Variants in LRFN5 observed in about 807,000 individuals in gnomAD.
LRFN5 encodes the protein leucine rich repeat and fibronectin type III domain containing 5.
LRFN5 carries 24 observed loss-of-function variants against 45.6 expected under a neutral mutation model. The observed-to-expected ratio is 0.53, with a 90% CI of 0.38 to 0.74. The LOEUF is 0.74. Ranked by LOEUF, LRFN5 falls within the 30% of genes least tolerant of loss-of-function variation. LRFN5 has a pLI of 0.00. For missense variants in LRFN5, 776 were observed against 861.5 expected (o/e 0.90, Z 1.24); for synonymous variants, 340 against 313.8 (o/e 1.08, Z -0.88).
chr14:41,649,166 C>T (rs1879965704), intron 1 of LRFN5, among the ~76,000 whole-genome samples: 1 of 151,880 alleles, frequency 6.6e-6, no homozygotes, highest in African/African-American at 2.4e-5. Flanking sequence ...ACCCGGGAGG[C>T]GGAGGTTGCA....
intron 4 of LRFN5, chr14:41,893,117 T>G (rs1890837405): frequency 2.0e-6 from 2 of 984,852 alleles, no homozygotes; most frequent in Non-Finnish European, 2.4e-6. Flanking sequence ...ATGTTTTCCT[T>G]TTAAAGTAAA....
chr14:41,697,657 T>C (rs925365612), intron 1 of LRFN5, among the ~76,000 whole-genome samples: 2 of 130,256 alleles, frequency 1.5e-5, no homozygotes, highest in East Asian at 4.2e-4. Context: ...TTCACTGCTC[T>C]TTTTTTTTTT....
chr14:41,706,334 G>A (rs543929987), intron 1 of LRFN5, among the ~76,000 whole-genome samples: 4 of 152,122 alleles, frequency 2.6e-5, no homozygotes, highest in South Asian at 2.1e-4. Flanking sequence ...TCCCGACCTC[G>A]GGTGATCCTC....
chr14:41,844,302 T>G (rs564137059), intron 2 of LRFN5, among the ~76,000 whole-genome samples: 17 of 151,774 alleles, frequency 1.1e-4, no homozygotes, highest in Non-Finnish European at 7.4e-5. Context: ...CCAGGCGTGG[T>G]GGTGGGCACC....
intron 2 of LRFN5, among the ~76,000 whole-genome samples, chr14:41,832,870 A>G (rs1047567503): frequency 2.6e-5 from 4 of 152,158 alleles, no homozygotes; most frequent in Admixed American, 6.6e-5. Flanking sequence ...ATTGTCATAC[A>G]TTCTTTTCTT....
intron 2 of LRFN5, among the ~76,000 whole-genome samples, chr14:41,804,465 G>C (rs1887449974): frequency 1.3e-5 from 2 of 152,120 alleles, no homozygotes; most frequent in Admixed American, 6.6e-5. Context: ...AACTGGGGAA[G>C]TTGCAAATCT....
intron 2 of LRFN5, among the ~76,000 whole-genome samples, chr14:41,814,965 C>T (rs2138999438): frequency 6.6e-6 from 1 of 152,030 alleles, no homozygotes; most frequent in South Asian, 2.1e-4. Context: ...GAAAAACATC[C>T]ATCGAAAAAA....
At chr14:41,829,345 A>G (rs985114240) in intron 2 of LRFN5, among the ~76,000 whole-genome samples, 1 of 151,906 alleles carries the variant, frequency 6.6e-6, no homozygotes, top group Non-Finnish European at 1.5e-5. Flanking sequence ...CACAGAGATC[A>G]TGAGTACTCA....
At chr14:41,637,993 G>T (rs566825830) in intron 1 of LRFN5, among the ~76,000 whole-genome samples, 1 of 151,964 alleles carries the variant, frequency 6.6e-6, no homozygotes, top group East Asian at 1.9e-4. Flanking sequence ...TTATTTCCAG[G>T]CCCATTTTGC....
chr14:41,753,847 T>A (rs1396768263), intron 1 of LRFN5, among the ~76,000 whole-genome samples: 12 of 152,170 alleles, frequency 7.9e-5, no homozygotes, highest in African/African-American at 2.9e-4. Flanking sequence ...CTTGTGCCAG[T>A]TTTCAAAGGG....
chr14:41,728,776 G>A (rs1007619601), intron 1 of LRFN5, among the ~76,000 whole-genome samples: 1 of 152,100 alleles, frequency 6.6e-6, no homozygotes, highest in African/African-American at 2.4e-5. Flanking sequence ...TAACTCAGTT[G>A]AGTGTCTGAG....
chr14:41,648,284 A>G (rs1174600285), intron 1 of LRFN5, among the ~76,000 whole-genome samples: 2 of 152,128 alleles, frequency 1.3e-5, no homozygotes, highest in African/African-American at 4.8e-5. Context: ...GAAGAGGTGT[A>G]TTTAATATTA....
intron 1 of LRFN5, among the ~76,000 whole-genome samples, chr14:41,716,407 CT>C (rs1883497755): frequency 6.6e-6 from 1 of 152,066 alleles, no homozygotes; most frequent in Non-Finnish European, 1.5e-5. Flanking sequence ...AACTGACTGC[CT>C]TTAACAGCAC....
At chr14:41,839,309 A>G (rs897976239) in intron 2 of LRFN5, among the ~76,000 whole-genome samples, 2 of 147,286 alleles carry the variant, frequency 1.4e-5, no homozygotes, top group South Asian at 2.1e-4. Context: ...AATAACCATA[A>G]GAGTAGATTT....
chr14:41,805,326 T>A (rs965900310), intron 2 of LRFN5, among the ~76,000 whole-genome samples: 46 of 150,806 alleles, frequency 3.1e-4, no homozygotes, highest in African/African-American at 1.1e-3. Flanking sequence ...GTATATCAAT[T>A]ATGCAGATTT....
intron 1 of LRFN5, among the ~76,000 whole-genome samples, chr14:41,699,148 T>G (rs762981977): frequency 2.6e-5 from 4 of 152,078 alleles, no homozygotes; most frequent in African/African-American, 4.8e-5. Context: ...TCTCGAACAT[T>G]AACGTACAGA....
At chr14:41,902,899 T>C (rs917155682) in intron 5 of LRFN5, among the ~76,000 whole-genome samples, 4 of 151,644 alleles carry the variant, frequency 2.6e-5, no homozygotes, top group Admixed American at 2.0e-4. Context: ...ATGAACCAAA[T>C]AAAGAAGAAT....
At chr14:41,653,419 A>G (rs766915095) in intron 1 of LRFN5, among the ~76,000 whole-genome samples, 2 of 152,094 alleles carry the variant, frequency 1.3e-5, no homozygotes, top group Non-Finnish European at 2.9e-5. Context: ...TAAATAGAGA[A>G]TCCTAATATT....
intron 1 of LRFN5, among the ~76,000 whole-genome samples, chr14:41,757,193 A>T (rs1346771323): frequency 6.6e-6 from 1 of 152,054 alleles, no homozygotes; most frequent in Non-Finnish European, 1.5e-5. Context: ...CAGTTAGGCT[A>T]CTCGGGGGTC....
Sources: allele counts gnomAD v4.1 joint callset (sites outside exome capture counted in the v4.1 genomes callset), GRCh38; gene constraint gnomAD v4.1.1; transcripts MANE v1.5; gene names NCBI Gene and HGNC (gene_info 2026-07-23, HGNC 2026-07-21).